Variants in CEP63 observed in about 807,000 individuals in gnomAD.
CEP63 encodes centrosomal protein 63.
In CEP63, 84 loss-of-function variants were observed where a neutral mutation model predicts 89.1. The observed-to-expected ratio is 0.94, with a 90% CI of 0.79 to 1.13. The LOEUF (loss-of-function observed/expected upper bound fraction) is 1.13, where lower values mean the gene tolerates loss of function less well. Among genes scored for constraint, CEP63 ranks in the 50% most tolerant of loss-of-function variants. CEP63 has a pLI of 0.00. For missense variants in CEP63, 838 were observed against 813.3 expected, an observed-to-expected ratio of 1.03 and a Z score of -0.37; for synonymous variants, 267 against 272.5, an observed-to-expected ratio of 0.98 and a Z score of 0.20.
intron 3 of CEP63, among the ~76,000 whole-genome samples, chr3:134,522,969 G>T (rs1048485135): frequency 2.6e-5 from 4 of 152,012 alleles, no homozygotes; most frequent in African/African-American, 7.2e-5. Flanking sequence ...TATCTTTAAG[G>T]GATCACCATC....
the CEP63 span, among the ~76,000 whole-genome samples, chr3:134,697,425 G>C: frequency 6.6e-6 from 1 of 152,118 alleles, no homozygotes; most frequent in Non-Finnish European, 1.5e-5. Context: ...ATTTAGTTTT[G>C]GGCACGTGGC....
At chr3:134,569,326 G>A (rs1163882146), downstream of CEP63, among the ~76,000 whole-genome samples, 1 of 152,208 alleles carries the variant, frequency 6.6e-6, no homozygotes, top group Non-Finnish European at 1.5e-5. Flanking sequence ...AGGCAAATCT[G>A]AGCCGATGAG....
rs768608949 is a variant in CEP63, at chr3:134,495,294, A to G, written c.-25-2A>G. 6.2e-7 allele frequency: 1 copy of G among 1,608,358 alleles called. No homozygotes were observed. Among genetic ancestry groups the G allele is most frequent in the African/African-American group, 1.3e-5 (1 of 74,920 alleles). On this transcript the variant is annotated splice_acceptor_variant, in intron 1 of 14. Transcript: ENST00000675561. LOFTEE classifies it low-confidence loss of function (5UTR_SPLICE). ...CATGACTGATATTTTTTTCTTTGTCAGTTGCCAAAACAAAGGGGATTTGGT... is the reference window on the plus strand; with the variant it reads ...CATGACTGATATTTTTTTCTTTGTCGGTTGCCAAAACAAAGGGGATTTGGT...
chr3:134,751,343 G>T, the CEP63 span, among the ~76,000 whole-genome samples: 1 of 152,218 alleles, frequency 6.6e-6, no homozygotes, highest in Non-Finnish European at 1.5e-5. Flanking sequence ...TCTGTACAAA[G>T]ATTTGAGTAC....
At chr3:134,588,714 G>A (rs1471745615), downstream of CEP63, among the ~76,000 whole-genome samples, 2 of 152,050 alleles carry the variant, frequency 1.3e-5, no homozygotes, top group African/African-American at 4.8e-5. Flanking sequence ...GAAGACATAA[G>A]GAGTAGCAAT....
the CEP63 span, among the ~76,000 whole-genome samples, chr3:134,724,468 T>G: frequency 6.6e-6 from 1 of 152,238 alleles, no homozygotes; most frequent in African/African-American, 2.4e-5. Context: ...ATATTCTCAC[T>G]GCCCACTCTG....
intron 3 of CEP63, among the ~76,000 whole-genome samples, chr3:134,526,944 T>C (rs1948769653): frequency 6.6e-6 from 1 of 152,134 alleles, no homozygotes; most frequent in Admixed American, 6.5e-5. Flanking sequence ...GGCCCCAACT[T>C]TTTTCTCTGG....
chr3:134,744,254 C>G, the CEP63 span, among the ~76,000 whole-genome samples: 3 of 152,120 alleles, frequency 2.0e-5, no homozygotes, highest in African/African-American at 7.2e-5. Flanking sequence ...CACATTAATA[C>G]AGAAGAGGTC....
the CEP63 span, among the ~76,000 whole-genome samples, chr3:134,692,254 T>C: frequency 1.3e-5 from 2 of 152,014 alleles, no homozygotes; most frequent in African/African-American, 4.8e-5. Context: ...TGCTATCCCT[T>C]CCCCCTCCCC....
At chr3:134,635,629 TG>T in the CEP63 span, among the ~76,000 whole-genome samples, 55 of 152,192 alleles carry the variant, frequency 3.6e-4, 1 homozygote, top group Non-Finnish European at 5.9e-5. Context: ...TGGTGTATTC[TG>T]GATATTCTGA....
the CEP63 span, among the ~76,000 whole-genome samples, chr3:134,660,895 G>A: frequency 6.6e-6 from 1 of 152,160 alleles, no homozygotes; most frequent in Admixed American, 6.5e-5. Flanking sequence ...GAAGGGGCAA[G>A]TAAGTCCTCA....
At chr3:134,610,219 G>C in the CEP63 span, 2 of 1,613,474 alleles carry the variant, frequency 1.2e-6, no homozygotes, top group African/African-American at 2.7e-5. Context: ...GGAGGTGATG[G>C]TGTCCACCAG....
chr3:134,561,294 A>G, intron 14 of CEP63, 83 bp from the exon 15 acceptor site: 13 of 1,328,468 alleles, frequency 9.8e-6, no homozygotes. Flanking sequence ...TAATATTGCT[A>G]GTTAGAAAAT....
At chr3:134,768,906 T>C in the CEP63 span, among the ~76,000 whole-genome samples, 1 of 152,102 alleles carries the variant, frequency 6.6e-6, no homozygotes, top group Admixed American at 6.6e-5. Context: ...GCTTCAAGCA[T>C]GAGAAGGCTT....
chr3:134,650,083 AT>A, the CEP63 span, among the ~76,000 whole-genome samples: 6 of 152,176 alleles, frequency 3.9e-5, no homozygotes, highest in African/African-American at 1.4e-4. Flanking sequence ...TCTGTACTCC[AT>A]TCACATTGTG....
chr3:134,629,052 A>G, the CEP63 span, among the ~76,000 whole-genome samples: 1 of 152,172 alleles, frequency 6.6e-6, no homozygotes, highest in Non-Finnish European at 1.5e-5. Context: ...CAGGGAGAGG[A>G]CCGAGAAGGG....
At chr3:134,539,478 CA>C (rs1951548215) in intron 6 of CEP63, among the ~76,000 whole-genome samples, 1 of 152,150 alleles carries the variant, frequency 6.6e-6, no homozygotes, top group South Asian at 2.1e-4. Flanking sequence ...ATCAGTATCA[CA>C]TTAATAGAAT....
the CEP63 span, among the ~76,000 whole-genome samples, chr3:134,773,097 G>T: frequency 6.6e-6 from 1 of 152,208 alleles, no homozygotes; most frequent in Non-Finnish European, 1.5e-5. Context: ...CCCATCAGCT[G>T]CCCTGTGCTT....
At chr3:134,671,863 G>A in the CEP63 span, among the ~76,000 whole-genome samples, 2 of 152,256 alleles carry the variant, frequency 1.3e-5, no homozygotes, top group Non-Finnish European at 2.9e-5. Context: ...CACCAACTGA[G>A]CTGTTTTCTC....
Sources: allele counts gnomAD v4.1 joint callset (sites outside exome capture counted in the v4.1 genomes callset), GRCh38; gene constraint gnomAD v4.1.1; transcripts MANE v1.5; gene names NCBI Gene and HGNC (gene_info 2026-07-23, HGNC 2026-07-21).